Variants in DCAF13 observed in about 807,000 individuals in gnomAD.
DCAF13 encodes DDB1- and CUL4-associated factor 13.
In DCAF13, 38 loss-of-function variants were observed where a neutral mutation model predicts 59.0. The ratio of observed to expected loss-of-function variants is 0.64; its 90% CI spans 0.50 to 0.84. DCAF13 has a LOEUF of 0.84. Among genes scored for constraint, DCAF13 ranks in the 40% least tolerant of loss-of-function variants. The pLI is 0.00. For missense variants in DCAF13, 469 were observed against 558.4 expected, an observed-to-expected ratio of 0.84 and a Z score of 1.61; for synonymous variants, 173 against 175.0, an observed-to-expected ratio of 0.99 and a Z score of 0.09.
chr8:103,418,615 G>C (rs1441187574), intron 1 of DCAF13, among the ~76,000 whole-genome samples: 1 of 151,326 alleles, frequency 6.6e-6, no homozygotes, highest in East Asian at 1.9e-4. Flanking sequence ...ATGATGAGTA[G>C]GACTTTGAGT....
At chr8:103,421,773 A>G (rs1586126938) in intron 3 of DCAF13, among the ~76,000 whole-genome samples, 1 of 152,230 alleles carries the variant, frequency 6.6e-6, no homozygotes, top group East Asian at 1.9e-4. Flanking sequence ...TTCAAGGTTT[A>G]TCCATGTTGT....
chr8:103,417,276 C>T (rs1816634303), intron 1 of DCAF13, among the ~76,000 whole-genome samples: 1 of 152,022 alleles, frequency 6.6e-6, no homozygotes, highest in African/African-American at 2.4e-5. Flanking sequence ...GCCATTAAAA[C>T]CAAACATTGA....
chr8:103,418,860 ATATATATTTTTTTTTTTTTTTTT>A (rs1166077306), intron 1 of DCAF13, among the ~76,000 whole-genome samples: 1 of 34,616 alleles, frequency 2.9e-5, no homozygotes, highest in African/African-American at 1.5e-4. Context: ...ATATATATAT[ATATATATTTTTTTTTTTTTTTTT>A]TTTTTTTTTT....
chr8:103,431,967 G>T (rs1816871068), intron 6 of DCAF13, among the ~76,000 whole-genome samples: 1 of 152,100 alleles, frequency 6.6e-6, no homozygotes, highest in Non-Finnish European at 1.5e-5. Context: ...AGGTAACATT[G>T]AATTGGAGTT....
intron 3 of DCAF13, among the ~76,000 whole-genome samples, chr8:103,421,869 A>G (rs1345148915): frequency 6.6e-6 from 1 of 152,200 alleles, no homozygotes; most frequent in Non-Finnish European, 1.5e-5. Context: ...TCATTCATCA[A>G]TGAGCATTTG....
chr8:103,421,656 A>G (rs1563502387), intron 3 of DCAF13, among the ~76,000 whole-genome samples: 1 of 152,180 alleles, frequency 6.6e-6, no homozygotes, highest in South Asian at 2.1e-4. Context: ...GATTTTGACT[A>G]TTCTGGGTAC....
Position 103,443,058 on chromosome 8 carries a change from A to G in DCAF13, c.*176A>G, listed in dbSNP as rs1213962658. ...GATCCTTAAAGGTGGCCTAGTTGGTAAGACTGTTTTATCCTTAATCTGCAT... is the reference window on the plus strand; with the variant it reads ...GATCCTTAAAGGTGGCCTAGTTGGTGAGACTGTTTTATCCTTAATCTGCAT... On this transcript the variant is annotated 3_prime_UTR_variant, in exon 11 of 11. Coordinates refer to ENST00000612750, the MANE Select transcript of DCAF13 (RefSeq NM_015420.7). The G allele has an allele frequency of 2.1e-6, 1 of 475,570 alleles. No homozygotes were observed. 29.5% of individuals were successfully genotyped at this position (475,570 alleles called of 1,614,324 possible).
rs1388532573 is a variant in DCAF13, at chr8:103,435,725, G to T, written c.885G>T (p.Lys295Asn). ...ATGTGGATTACTCTCCCACTGGGAA[G>T]GAGTTTGTGTCTGCTAGTTTCGATA... Reference protein sequence around the residue: ...VLDVDYSPTGKEFVSASFDKS... With the variant: ...VLDVDYSPTGNEFVSASFDKS... The change falls in exon 8 of 11, where the codon AAG becomes AAT. Residue 295 changes from lysine (K) to asparagine (N), a missense_variant. Transcript: ENST00000612750. 6.2e-7 allele frequency: 1 copy of T among 1,613,680 alleles called. No homozygotes were observed. The highest frequency in any genetic ancestry group is 8.5e-7 in the Non-Finnish European group (1 of 1,179,818).
chr8:103,416,362 A>G (rs1468780002), intron 1 of DCAF13, among the ~76,000 whole-genome samples: 2 of 152,232 alleles, frequency 1.3e-5, no homozygotes, highest in Non-Finnish European at 2.9e-5. Flanking sequence ...TCTAAAATAT[A>G]AATTAGATTT....
chr8:103,436,374 T>G (rs1001648162), intron 8 of DCAF13, among the ~76,000 whole-genome samples: 6 of 152,158 alleles, frequency 3.9e-5, no homozygotes, highest in Admixed American at 3.3e-4. Context: ...GTTCTCCCTC[T>G]ATTTCACTTT....
intron 7 of DCAF13, among the ~76,000 whole-genome samples, chr8:103,433,461 C>T (rs550040038): frequency 1.9e-4 from 29 of 151,792 alleles, no homozygotes; most frequent in Admixed American, 7.9e-4. Context: ...TTTATTATAG[C>T]GCTATGCCTT....
intron 5 of DCAF13, chr8:103,428,717 AAC>A (rs1491546103): frequency 3.3e-5 from 5 of 152,100 alleles, no homozygotes; most frequent in African/African-American, 9.7e-5. Context: ...CTAAAAAAAA[AAC>A]ACAAAAAAAC....
At chr8:103,424,812 C>G (rs1037875671) in intron 3 of DCAF13, among the ~76,000 whole-genome samples, 3 of 152,156 alleles carry the variant, frequency 2.0e-5, no homozygotes. Flanking sequence ...GACCTGGTAC[C>G]TAGATTACAT....
chr8:103,427,257 TG>T lies in DCAF13; in HGVS notation c.624+6del, dbSNP rs546695543. 5.7e-4 allele frequency: 912 copies of T among 1,607,576 alleles called. No individual in the cohort carries two copies. The highest frequency in any genetic ancestry group is 3.1e-3 in the African/African-American group (233 of 74,702). On this transcript the variant is annotated splice_donor_region_variant and intron_variant, in intron 5 of 10. Transcript: ENST00000612750. Reference sequence around the variant, plus strand: ...GTTAAATTTAACCCAATTGAGGTAATGTTTTTTTTTAAGTATGTTTTACTTA... The same window carrying T: ...GTTAAATTTAACCCAATTGAGGTAATTTTTTTTTTAAGTATGTTTTACTTA...
At chr8:103,435,476 T>C (rs1586133472) in intron 7 of DCAF13, 150 bp from the exon 8 acceptor site, 2 of 516,062 alleles carry the variant, frequency 3.9e-6, no homozygotes, top group Admixed American at 3.8e-5. Context: ...AAATTTTTCC[T>C]TATCCCTCAC....
chr8:103,419,573 A>G (rs766234391), intron 1 of DCAF13, among the ~76,000 whole-genome samples: 4 of 152,236 alleles, frequency 2.6e-5, no homozygotes, highest in Non-Finnish European at 4.4e-5. Flanking sequence ...CCTGCCCTAC[A>G]GGAAGCTTAG....
intron 8 of DCAF13, among the ~76,000 whole-genome samples, chr8:103,436,507 T>C (rs185637511): frequency 6.6e-6 from 1 of 152,298 alleles, no homozygotes; most frequent in East Asian, 1.9e-4. Context: ...ATATTTAAGA[T>C]TTTTATTGTG....
At chr8:103,439,924 A>T (rs1221785580) in intron 8 of DCAF13, 2 of 328,300 alleles carry the variant, frequency 6.1e-6, no homozygotes, top group Non-Finnish European at 1.1e-5. Flanking sequence ...ACTAGATAGT[A>T]AGTTCTCTGA....
At chr8:103,428,224 A>C (rs1586130175) in intron 5 of DCAF13, 1 of 152,038 alleles carries the variant, frequency 6.6e-6, no homozygotes, top group East Asian at 1.9e-4. Flanking sequence ...GTCAGAGGAC[A>C]CTCTTCCTGC....
Sources: gnomAD v4.1 joint callset for allele counts (sites outside exome capture counted in the v4.1 genomes callset) on GRCh38, gnomAD v4.1.1 for gene constraint, MANE v1.5 for transcripts, NCBI Gene and HGNC (gene_info 2026-07-23, HGNC 2026-07-21) for gene names.